The following VGLL4 variants were observed in gnomAD, a reference collection of about 807,000 sequenced individuals.
The protein encoded by VGLL4 is transcription cofactor vestigial-like protein 4.
VGLL4 carries 7 observed loss-of-function variants against 21.0 expected under a neutral mutation model. The ratio of observed to expected loss-of-function variants is 0.33; its 90% CI spans 0.19 to 0.63. VGLL4 has a LOEUF of 0.63. Among genes scored for constraint, VGLL4 ranks in the 20% least tolerant of loss-of-function variants. The pLI, the probability that VGLL4 is intolerant of heterozygous loss-of-function variation, is 0.78. For missense variants in VGLL4, 394 were observed against 425.7 expected, an observed-to-expected ratio of 0.93 and a Z score of 0.66; for synonymous variants, 222 against 173.2, an observed-to-expected ratio of 1.28 and a Z score of -2.21.
At chr3:11,671,721 CT>C (rs5846717) in intron 2 of VGLL4, among the ~76,000 whole-genome samples, 22 of 149,182 alleles carry the variant, frequency 1.5e-4, no homozygotes, top group African/African-American at 3.2e-4. Context: ...TAAAAATTCA[CT>C]TTTTTTTTTT....
At chr3:11,585,285 A>C (rs545928201) in intron 2 of VGLL4, among the ~76,000 whole-genome samples, 6 of 151,982 alleles carry the variant, frequency 3.9e-5, no homozygotes, top group Non-Finnish European at 8.8e-5. Flanking sequence ...AAAATACAAA[A>C]ATTAGCCTCA....
chr3:11,571,426 G>A (rs921444709), intron 2 of VGLL4, among the ~76,000 whole-genome samples: 1 of 152,206 alleles, frequency 6.6e-6, no homozygotes, highest in Non-Finnish European at 1.5e-5. Flanking sequence ...ACTCACGCCT[G>A]TAATCCCAGC....
Position 11,570,507 on chromosome 3 carries a change from C to T in VGLL4, c.273-5488G>A, listed in dbSNP as rs537869421. ...GGGAAGGCTGACACTGCAGCCCCCA[C>T]GCCCTAATCTCCTTGGCTCCGCACG... On this transcript the variant is annotated intron_variant, in intron 2 of 4. Transcript: ENST00000430365. 1.1e-4 allele frequency among the ~76,000 whole-genome samples: 16 copies of T among 152,330 alleles called. No individual in the cohort carries two copies. In the East Asian group the frequency reaches 1.7e-3, roughly 17 times the overall value.
At chr3:11,620,502 A>G (rs561022435) in intron 1 of VGLL4, among the ~76,000 whole-genome samples, 1 of 152,312 alleles carries the variant, frequency 6.6e-6, no homozygotes, top group South Asian at 2.1e-4. Flanking sequence ...CAGGGCCGCT[A>G]AAGTAAACAT....
chr3:11,644,531 G>GT (rs374366060), upstream of VGLL4, among the ~76,000 whole-genome samples: 132 of 152,152 alleles, frequency 8.7e-4, no homozygotes, highest in African/African-American at 3.0e-3. Context: ...CTTTTAAAGT[G>GT]TTTTTTCCCA....
chr3:11,587,024 G>A (rs536175374), intron 2 of VGLL4, among the ~76,000 whole-genome samples: 17 of 152,224 alleles, frequency 1.1e-4, no homozygotes, highest in Non-Finnish European at 2.1e-4. Context: ...GCCGAAAGTC[G>A]AGAAATAATA....
rs763815966 is a variant in VGLL4 at position 11,558,756 on chromosome 3, C to T, written c.691G>A (p.Glu231Lys). The T allele has an allele frequency of 7.4e-6, 12 of 1,614,036 alleles. No homozygotes were observed. The highest frequency in any genetic ancestry group is 1.0e-5 in the Non-Finnish European group (12 of 1,180,036). Reference protein sequence around the residue: ...RSLGKNYKEPEPAPNSVSITG... With the variant: ...RSLGKNYKEPKPAPNSVSITG... ...ATGGACACGGAGTTGGGTGCCGGCTCGGGCTCCTTGTAATTCTTGCCCAGG... is the reference window on the plus strand; with the variant it reads ...ATGGACACGGAGTTGGGTGCCGGCTTGGGCTCCTTGTAATTCTTGCCCAGG... The change falls in exon 5 of 5, where the codon GAG becomes AAG. Residue 231 changes from glutamate (E) to lysine (K), a missense_variant. By Grantham distance (56) the Glu-to-Lys change is moderately conservative. Transcript: ENST00000430365.
chr3:11,651,477 C>G (rs901538489), intron 2 of VGLL4, among the ~76,000 whole-genome samples: 1 of 151,404 alleles, frequency 6.6e-6, no homozygotes, highest in African/African-American at 2.4e-5. Context: ...CCTTAAAGGC[C>G]TAGCTGAATT....
At chr3:11,676,145 T>G (rs1199149541) in intron 2 of VGLL4, among the ~76,000 whole-genome samples, 2 of 152,118 alleles carry the variant, frequency 1.3e-5, no homozygotes, top group Non-Finnish European at 2.9e-5. Context: ...CCCAGCACTT[T>G]GGGAGGCTGA....
In VGLL4 at chr3:11,579,235, C is replaced by A. The variant is rs1459750405; in HGVS notation, c.273-14216G>T. 3.4e-3 allele frequency among the ~76,000 whole-genome samples: 428 copies of A among 124,286 alleles called. 1 individual carries two copies. The highest frequency in any genetic ancestry group is 5.7e-3 in the Admixed American group (73 of 12,852). The allele number at this position is 124,286 out of a possible 152,430, so 81.5% of individuals were successfully genotyped here. A position where few individuals can be genotyped will look rare whatever the true frequency, so the allele number is the denominator to read the frequency against. On this transcript the variant is annotated intron_variant, in intron 2 of 4. Coordinates refer to ENST00000430365, the MANE Select transcript of VGLL4 (RefSeq NM_001128219.3). ...AACTTTCTAAAAAAAAAAAAAAAAA[C>A]CAGACTGCTTTACAGAAACAAGATT...
rs1043955808 is a variant in VGLL4, at chr3:11,719,813, C to G, written c.-14+581G>C. On this transcript the variant is annotated intron_variant, in intron 1 of 5. Coordinates refer to the VGLL4 transcript ENST00000273038. The surrounding 1 kb of genome is among the most constrained non-coding windows in gnomAD (Gnocchi z 4.0). ...TTTCCCTCCCCCGCCAGCTGCGCGC[C>G]CGGTGCCAGCTCGCACCTCCCGGGC... Among the ~76,000 whole-genome samples the G allele has an allele frequency of 2.0e-5, 3 of 152,130 alleles. No individual in the cohort carries two copies. The highest frequency in any genetic ancestry group is 1.5e-5 in the Non-Finnish European group (1 of 67,994).
At chr3:11,664,602 G>C (rs1354735461) in intron 2 of VGLL4, among the ~76,000 whole-genome samples, 2 of 152,208 alleles carry the variant, frequency 1.3e-5, no homozygotes, top group African/African-American at 4.8e-5. Flanking sequence ...CAGGGCTGGA[G>C]AATCAGGGCT....
At chr3:11,699,430 T>C (rs2125401676) in intron 2 of VGLL4, 1 of 152,196 alleles carries the variant, frequency 6.6e-6, no homozygotes, top group African/African-American at 2.4e-5. Context: ...ATGTAAAAAA[T>C]GATCCTAAGA....
chr3:11,721,021 TA>T (rs538230053), upstream of VGLL4, among the ~76,000 whole-genome samples: 181 of 152,260 alleles, frequency 1.2e-3, no homozygotes, highest in Non-Finnish European at 2.3e-3. Flanking sequence ...CTTCATAAAA[TA>T]AATAGAGACT....
rs913061010 is a variant in VGLL4, at chr3:11,682,380, G to A, written c.64+20591C>T. Among the ~76,000 whole-genome samples, 7 of 136,832 alleles carry A rather than the reference G, an allele frequency of 5.1e-5. 1 individual carries two copies. The highest frequency in any genetic ancestry group is 9.3e-3 in the Middle Eastern group (2 of 214). The allele number at this position is 136,832 out of a possible 152,430, so 89.8% of individuals were successfully genotyped here. On this transcript the variant is annotated intron_variant, in intron 2 of 5. Coordinates refer to the VGLL4 transcript ENST00000273038. ...AGATCGCACCACTGCACTCCAGCCCGGGTGACAGTACAAGACCCTGTCTCA... is the reference window on the plus strand; with the variant it reads ...AGATCGCACCACTGCACTCCAGCCCAGGTGACAGTACAAGACCCTGTCTCA...
At chr3:11,684,947 CT>C (rs1283883172) in intron 2 of VGLL4, among the ~76,000 whole-genome samples, 2 of 152,012 alleles carry the variant, frequency 1.3e-5, no homozygotes, top group Non-Finnish European at 2.9e-5. Context: ...AAGCCAAGTA[CT>C]CAATGGTTAT....
chr3:11,689,756 G>A (rs1559946214), intron 2 of VGLL4, among the ~76,000 whole-genome samples: 1 of 152,246 alleles, frequency 6.6e-6, no homozygotes, highest in Admixed American at 6.5e-5. Context: ...GGGAAGGCCA[G>A]CTACCTGCAG....
chr3:11,598,121 T>G (rs1029833261), intron 2 of VGLL4, among the ~76,000 whole-genome samples: 4 of 152,138 alleles, frequency 2.6e-5, no homozygotes, highest in Non-Finnish European at 5.9e-5. Flanking sequence ...CCACCTGGAT[T>G]CAGGCAATTC....
chr3:11,558,332 A>G lies in VGLL4; in HGVS notation c.*224T>C. ...GAAGTAAGGATGCTACATTAGACAG[A>G]TGTTCCACGCGTAGTTCCTGCTATC... is the stretch of plus-strand genomic sequence containing the variant. On this transcript the variant is annotated 3_prime_UTR_variant, in exon 5 of 5. Transcript: ENST00000430365. 1.4e-6 allele frequency: 1 copy of G among 692,722 alleles called. No individual in the cohort carries two copies. The highest frequency in any genetic ancestry group is 2.3e-6 in the Non-Finnish European group (1 of 425,618). 42.9% of individuals were successfully genotyped at this position (692,722 alleles called of 1,614,324 possible).
Sources: allele counts gnomAD v4.1 joint callset (sites outside exome capture counted in the v4.1 genomes callset), GRCh38; gene constraint gnomAD v4.1.1; non-coding constraint Gnocchi (gnomAD v3.1); transcripts MANE v1.5; gene names NCBI Gene and HGNC (gene_info 2026-07-23, HGNC 2026-07-21).